Variants in GGNBP2 observed in about 807,000 individuals in gnomAD.
GGNBP2 encodes gametogenetin binding protein 2, also known as gametogenetin-binding protein 2.
Under a neutral mutation model 85.9 loss-of-function variants are expected in GGNBP2, and 10 were observed. The ratio of observed to expected loss-of-function variants is 0.12; its 90% CI spans 0.07 to 0.20. The LOEUF (loss-of-function observed/expected upper bound fraction) is 0.20, where lower values mean the gene tolerates loss of function less well. Among genes scored for constraint, GGNBP2 ranks in the 10% least tolerant of loss-of-function variants. GGNBP2 has a pLI of 1.00. For synonymous variants in GGNBP2, 287 were observed against 285.7 expected (o/e 1.00, Z -0.05); for missense variants, 595 against 857.8 (o/e 0.69, Z 3.83).
intron 6 of GGNBP2, among the ~76,000 whole-genome samples, chr17:36,571,830 G>A (rs1358050496): frequency 6.6e-6 from 1 of 151,824 alleles, no homozygotes; most frequent in Non-Finnish European, 1.5e-5. Context: ...GCGACAGAGC[G>A]AGACTCCATC....
chr17:36,565,057 A>G (rs544151654), intron 5 of GGNBP2, among the ~76,000 whole-genome samples: 28 of 152,320 alleles, frequency 1.8e-4, no homozygotes, highest in African/African-American at 5.8e-4. Context: ...AAAAGAAATT[A>G]GTAAAGAAAC....
intron 2 of GGNBP2, among the ~76,000 whole-genome samples, chr17:36,547,963 A>T (rs2074270516): frequency 6.6e-6 from 1 of 152,242 alleles, no homozygotes. Flanking sequence ...GAGAATGCAG[A>T]GCAAAACACC....
chr17:36,587,720 C>T (rs554770191), intron 13 of GGNBP2: 37 of 156,744 alleles, frequency 2.4e-4, no homozygotes, highest in Non-Finnish European at 4.0e-4. Context: ...AACCCCGTCT[C>T]TACTAAAAAT....
intron 6 of GGNBP2, among the ~76,000 whole-genome samples, chr17:36,569,711 T>C (rs1418971067): frequency 1.3e-5 from 2 of 152,250 alleles, no homozygotes; most frequent in African/African-American, 2.4e-5. Flanking sequence ...GAGTAGAGAA[T>C]GTGTCACTTA....
chr17:36,578,422 C>T, intron 7 of GGNBP2: 1 of 429,872 alleles, frequency 2.3e-6, no homozygotes, highest in Non-Finnish European at 4.1e-6. Context: ...TGAAGGGAGG[C>T]AGGCTTTTTT....
rs746203422 is a variant in GGNBP2, at chr17:36,560,664, G to T, written c.429-109G>T. ...GATACAGTGGGGATAGAGAAAAGTG[G>T]TTTTTTTGTGTTTTGTTTTGAGACT... is the stretch of plus-strand genomic sequence containing the variant. On this transcript the variant is annotated intron_variant, in intron 4 of 13. Coordinates refer to ENST00000613102, the MANE Select transcript of GGNBP2 (RefSeq NM_024835.5). The T allele has an allele frequency of 1.9e-4, 119 of 634,058 alleles. 1 individual carries two copies. The highest frequency in any genetic ancestry group is 1.6e-4 in the South Asian group (7 of 44,772). The allele number at this position is 634,058 out of a possible 1,614,324, so 39.3% of individuals were successfully genotyped here. A position where few individuals can be genotyped will look rare whatever the true frequency, so the allele number is the denominator to read the frequency against.
rs940242745 is a variant in GGNBP2 at position 36,545,658 on chromosome 17, C to T, written c.-67C>T. Reference sequence around the variant, plus strand: ...GAGGCGGCAGCGGCGGCGGCAGAAACAGCAGCGGCGGCGGCGGCGGCAGCT... The same window carrying T: ...GAGGCGGCAGCGGCGGCGGCAGAAATAGCAGCGGCGGCGGCGGCGGCAGCT... On this transcript the variant is annotated 5_prime_UTR_variant, in exon 2 of 14. Transcript: ENST00000613102. 3 of 1,279,556 alleles carry T rather than the reference C, an allele frequency of 2.3e-6. No homozygotes were observed. The highest frequency in any genetic ancestry group is 4.0e-5 in the Admixed American group (2 of 49,962). The allele number at this position is 1,279,556 out of a possible 1,614,324, so 79.3% of individuals were successfully genotyped here. A position where few individuals can be genotyped will look rare whatever the true frequency, so the allele number is the denominator to read the frequency against.
At chr17:36,551,930 A>G (rs900850059) in intron 2 of GGNBP2, among the ~76,000 whole-genome samples, 1 of 152,212 alleles carries the variant, frequency 6.6e-6, no homozygotes, top group African/African-American at 2.4e-5. Flanking sequence ...GAATATAAAT[A>G]CATACTGAGT....
intron 3 of GGNBP2, among the ~76,000 whole-genome samples, chr17:36,556,402 AC>A (rs1223128941): frequency 6.6e-6 from 1 of 151,850 alleles, no homozygotes; most frequent in African/African-American, 2.4e-5. Flanking sequence ...AGTTGTCAAA[AC>A]AAAACAAAAC....
Position 36,586,072 on chromosome 17 carries a change from C to G in GGNBP2, c.1515C>G (p.His505Gln). Reference sequence around the variant, plus strand: ...CAGGTGATGACTCTTGTGTTCATCACTGTGAAGACAAAGAGGATGATGGTG... The same window carrying G: ...CAGGTGATGACTCTTGTGTTCATCAGTGTGAAGACAAAGAGGATGATGGTG... ...DEHGDDSCVHHCEDKEDDGDS... is the reference protein window; with the variant it reads ...DEHGDDSCVHQCEDKEDDGDS... The change falls in exon 12 of 14, where the codon CAC (histidine) becomes CAG (glutamine). Residue 505 changes from histidine (H) to glutamine (Q), a missense_variant. Transcript: ENST00000613102. 1.9e-6 allele frequency: 3 copies of G among 1,613,942 alleles called. No individual in the cohort carries two copies. Among genetic ancestry groups the G allele is most frequent in the Non-Finnish European group, 2.5e-6 (3 of 1,179,920 alleles).
chr17:36,546,230 T>C (rs2074253543), intron 2 of GGNBP2: 1 of 348,280 alleles, frequency 2.9e-6, no homozygotes, highest in African/African-American at 2.1e-5. Context: ...CCTGTGTATT[T>C]TCTGTTTTAA....
At chr17:36,573,707 G>A (rs577213983) in intron 6 of GGNBP2, among the ~76,000 whole-genome samples, 56 of 152,190 alleles carry the variant, frequency 3.7e-4, no homozygotes, top group African/African-American at 1.3e-3. Flanking sequence ...TTGTTGTTTT[G>A]ATAGTGGTCA....
chr17:36,559,833 T>C (rs1457724602), intron 4 of GGNBP2, among the ~76,000 whole-genome samples: 1 of 152,120 alleles, frequency 6.6e-6, no homozygotes, highest in Non-Finnish European at 1.5e-5. Flanking sequence ...GCTTTTATTC[T>C]ATCTTATTTA....
intron 3 of GGNBP2, 34 bp downstream of exon 3, chr17:36,554,934 GTA>G: frequency 8.1e-7 from 1 of 1,239,468 alleles, no homozygotes; most frequent in Non-Finnish European, 1.2e-6. Flanking sequence ...TTTTAATGGT[GTA>G]TGTGTATTTT....
At chr17:36,551,342 G>A (rs538532871) in intron 2 of GGNBP2, among the ~76,000 whole-genome samples, 2 of 152,062 alleles carry the variant, frequency 1.3e-5, no homozygotes, top group East Asian at 3.9e-4. Context: ...AAGTAGCTAG[G>A]ATTACAGGCA....
At position 36,550,912 on chromosome 17, in the gene GGNBP2, C is replaced by T. The variant is rs559765926; in HGVS notation, c.94-3908C>T. 7.2e-5 allele frequency among the ~76,000 whole-genome samples: 11 copies of T among 152,278 alleles called. No homozygotes were observed. The East Asian group carries it at 2.1e-3, about 29-fold the overall frequency. On this transcript the variant is annotated intron_variant, in intron 2 of 13. Coordinates refer to ENST00000613102, the MANE Select transcript of GGNBP2 (RefSeq NM_024835.5). ...TGTGCTACTAGCCTCTTTGCCTTCC[C>T]CTTTTTATTTTCATCTCTTAAAACA...
intron 4 of GGNBP2, among the ~76,000 whole-genome samples, chr17:36,557,841 C>T (rs766264136): frequency 1.3e-5 from 2 of 152,112 alleles, no homozygotes; most frequent in East Asian, 1.9e-4. Flanking sequence ...AGGCCGGGCG[C>T]GGTGGCTCAC....
chr17:36,551,333 A>T (rs1309540983), intron 2 of GGNBP2, among the ~76,000 whole-genome samples: 1 of 151,904 alleles, frequency 6.6e-6, no homozygotes, highest in Non-Finnish European at 1.5e-5. Flanking sequence ...CAGCCTCCCA[A>T]GTAGCTAGGA....
In GGNBP2 at chr17:36,557,139, C is replaced by T. The variant is rs754283393; in HGVS notation, c.231C>T (p.Arg77=). Residue 77 remains arginine, a synonymous_variant, in exon 4 of 14, where the codon CGC becomes CGT. Coordinates refer to ENST00000613102, the MANE Select transcript of GGNBP2 (RefSeq NM_024835.5). The part of the protein sequence containing the change: ...DLSIAMVVTS[R]EVLSALSQLV... Reference sequence around the variant, plus strand: ...GTATTGCCATGGTGGTGACATCACGCGAAGTCCTGAGTGCACTTTCTCAGC... The same window carrying T: ...GTATTGCCATGGTGGTGACATCACGTGAAGTCCTGAGTGCACTTTCTCAGC... 5.3e-5 allele frequency: 85 copies of T among 1,613,950 alleles called. No homozygotes were observed. The highest frequency in any genetic ancestry group is 3.3e-4 in the Admixed American group (20 of 59,972).
Sources: gnomAD v4.1 joint callset for allele counts (sites outside exome capture counted in the v4.1 genomes callset) on GRCh38, gnomAD v4.1.1 for gene constraint, MANE v1.5 for transcripts, NCBI Gene and HGNC (gene_info 2026-07-23, HGNC 2026-07-21) for gene names.